The following SPATA6 variants were observed in gnomAD, a reference collection of about 807,000 sequenced individuals.
SPATA6 encodes spermatogenesis-associated protein 6.
In SPATA6, 56 loss-of-function variants were observed where a neutral mutation model predicts 65.3. The ratio of observed to expected loss-of-function variants is 0.86; its 90% confidence interval spans 0.69 to 1.07. The LOEUF is 1.07. SPATA6 is among the 50% of genes least tolerant of loss of function. SPATA6 has a pLI of 0.00. For missense variants in SPATA6, 590 were observed against 594.8 expected (o/e 0.99, Z 0.08); for synonymous variants, 199 against 213.2 (o/e 0.93, Z 0.58).
intron 5 of SPATA6, among the ~76,000 whole-genome samples, chr1:48,404,689 G>A (rs893739548): frequency 4.6e-5 from 7 of 151,888 alleles, no homozygotes; most frequent in African/African-American, 1.5e-4. Context: ...CCAGTTCCTC[G>A]GCATGTAGTT....
Position 48,472,084 on chromosome 1 carries a change from G to T in SPATA6, c.-76C>A. 8.6e-7 allele frequency: 1 copy of T among 1,165,878 alleles called. No individual in the cohort carries two copies. The highest frequency in any genetic ancestry group is 1.2e-6 in the Non-Finnish European group (1 of 868,524). The allele number at this position is 1,165,878 out of a possible 1,614,324, so 72.2% of individuals were successfully genotyped here. A position where few individuals can be genotyped will look rare whatever the true frequency, so the allele number is the denominator to read the frequency against. On this transcript the variant is annotated 5_prime_UTR_variant, in exon 1 of 13. Coordinates refer to ENST00000371847, the MANE Select transcript of SPATA6 (RefSeq NM_019073.4). ...GGCGGGGAGACCTGGGGCTGGGCGG[G>T]GACGGGGAGGAGACGAGGTGGCGGC...
At chr1:48,269,603 T>A in the SPATA6 span, among the ~76,000 whole-genome samples, 1 of 152,118 alleles carries the variant, frequency 6.6e-6, no homozygotes, top group Admixed American at 6.5e-5. Flanking sequence ...AACACTTATC[T>A]GAAGAATGGA....
intron 6 of SPATA6, among the ~76,000 whole-genome samples, chr1:48,401,572 C>G (rs1651167929): frequency 1.3e-5 from 2 of 152,096 alleles, no homozygotes; most frequent in South Asian, 2.1e-4. Flanking sequence ...TGCTTATCCT[C>G]TCTTATTCCT....
At chr1:48,325,773 CA>C in intron 11 of SPATA6, 1 of 464,694 alleles carries the variant, frequency 2.2e-6, no homozygotes, top group South Asian at 2.1e-5. Flanking sequence ...GTGGATGCGT[CA>C]AATGAGACCC....
At chr1:48,372,109 G>A (rs930715914) in intron 9 of SPATA6, among the ~76,000 whole-genome samples, 1 of 152,004 alleles carries the variant, frequency 6.6e-6, no homozygotes, top group African/African-American at 2.4e-5. Context: ...AACCAATCAT[G>A]CCTTCCCAAC....
chr1:48,464,645 C>T (rs1490059909), intron 1 of SPATA6, among the ~76,000 whole-genome samples: 1 of 152,062 alleles, frequency 6.6e-6, no homozygotes, highest in Non-Finnish European at 1.5e-5. Context: ...ATTGGTTAGA[C>T]ATAAAAGAAT....
chr1:48,435,874 G>A, intron 3 of SPATA6: 3 of 1,306,262 alleles, frequency 2.3e-6, no homozygotes, highest in South Asian at 2.4e-5. Flanking sequence ...CTGCTAGGTA[G>A]GATATATCTG....
chr1:48,448,890 G>A (rs1214029730), intron 3 of SPATA6, among the ~76,000 whole-genome samples: 1 of 152,148 alleles, frequency 6.6e-6, no homozygotes, highest in Non-Finnish European at 1.5e-5. Flanking sequence ...TGGGCACAGG[G>A]ACTGACTGCA....
Position 48,378,893 on chromosome 1 carries a change from C to T in SPATA6, c.909+6416G>A, listed in dbSNP as rs556106668. Among the ~76,000 whole-genome samples the T allele has an allele frequency of 9.9e-4, 151 of 152,248 alleles. 1 individual carries two copies. Among genetic ancestry groups the T allele is most frequent in the Middle Eastern group, 6.8e-3 (2 of 294 alleles). Reference sequence around the variant, plus strand: ...AAAATGTAGTATATGCACACACATACAATGGTATACTATTCAGCCTTTAAA... The same window carrying T: ...AAAATGTAGTATATGCACACACATATAATGGTATACTATTCAGCCTTTAAA... On this transcript the variant is annotated intron_variant, in intron 9 of 12. Coordinates refer to ENST00000371847, the MANE Select transcript of SPATA6 (RefSeq NM_019073.4).
intron 11 of SPATA6, among the ~76,000 whole-genome samples, chr1:48,307,754 T>C (rs1645097628): frequency 6.6e-6 from 1 of 151,864 alleles, no homozygotes; most frequent in African/African-American, 2.4e-5. Context: ...TTTTTCCTTA[T>C]ATTTTTGGGA....
At chr1:48,439,558 G>A (rs1655270838) in intron 3 of SPATA6, among the ~76,000 whole-genome samples, 2 of 152,324 alleles carry the variant, frequency 1.3e-5, no homozygotes, top group South Asian at 4.1e-4. Flanking sequence ...TGGGCAAGAA[G>A]AGTTTCTGCT....
intron 11 of SPATA6, among the ~76,000 whole-genome samples, chr1:48,336,909 C>T (rs1488776460): frequency 6.6e-6 from 1 of 151,298 alleles, no homozygotes; most frequent in Non-Finnish European, 1.5e-5. Flanking sequence ...AATAGAAAAC[C>T]CAAATAACTG....
At chr1:48,279,923 T>C in the SPATA6 span, among the ~76,000 whole-genome samples, 1 of 149,422 alleles carries the variant, frequency 6.7e-6, no homozygotes, top group African/African-American at 2.5e-5. Context: ...ACTGACCACA[T>C]AGTTGGAAGT....
chr1:48,291,306 G>A (rs1644765789), downstream of SPATA6, among the ~76,000 whole-genome samples: 2 of 152,132 alleles, frequency 1.3e-5, no homozygotes, highest in African/African-American at 4.8e-5. Context: ...AGGAGATTAT[G>A]TCCCTTGTCT....
downstream of SPATA6, among the ~76,000 whole-genome samples, chr1:48,293,376 G>C (rs1221282649): frequency 6.6e-6 from 1 of 152,052 alleles, no homozygotes; most frequent in Non-Finnish European, 1.5e-5. Flanking sequence ...TTGTTGTTTT[G>C]GTTTGGTTTT....
chr1:48,343,640 T>C (rs997895278), intron 11 of SPATA6, among the ~76,000 whole-genome samples: 2 of 152,106 alleles, frequency 1.3e-5, no homozygotes, highest in African/African-American at 4.8e-5. Flanking sequence ...CTGAACTTGA[T>C]TAAGCCTCTA....
At chr1:48,421,836 G>A (rs1443881654) in intron 3 of SPATA6, among the ~76,000 whole-genome samples, 1 of 152,016 alleles carries the variant, frequency 6.6e-6, no homozygotes, top group Non-Finnish European at 1.5e-5. Flanking sequence ...AAGAAAACAA[G>A]TTTAAATAAA....
chr1:48,404,056 T>C (rs937552965), intron 5 of SPATA6, among the ~76,000 whole-genome samples, 174 bp from the exon 6 acceptor site: 3 of 152,210 alleles, frequency 2.0e-5, no homozygotes, highest in Non-Finnish European at 2.9e-5. Flanking sequence ...TGTTAGCAAG[T>C]AACAATGTCT....
chr1:48,320,989 T>C lies in SPATA6; in HGVS notation c.1195-15111A>G, dbSNP rs558920568. Among the ~76,000 whole-genome samples, 4 of 152,240 alleles carry C rather than the reference T, an allele frequency of 2.6e-5. No individual in the cohort carries two copies. In the South Asian group the frequency reaches 6.2e-4, roughly 24 times the overall value. ...TATGACATATTATTTGTAAGCCTCA[T>C]GTTAACTTCAAATCTAAAATAATAC... On this transcript the variant is annotated intron_variant, in intron 11 of 12. Coordinates refer to ENST00000371847, the MANE Select transcript of SPATA6 (RefSeq NM_019073.4).
Sources: allele counts gnomAD v4.1 joint callset (sites outside exome capture counted in the v4.1 genomes callset), GRCh38; gene constraint gnomAD v4.1.1; transcripts MANE v1.5; gene names NCBI Gene and HGNC (gene_info 2026-07-23, HGNC 2026-07-21).